The following ZNF507 variants were observed in gnomAD, a reference collection of about 807,000 sequenced individuals.
ZNF507 encodes zinc finger protein 507.
Under a neutral mutation model 80.0 loss-of-function variants are expected in ZNF507, and 29 were observed. The observed-to-expected ratio is 0.36, with a 90% CI of 0.27 to 0.49. The LOEUF (loss-of-function observed/expected upper bound fraction) is 0.49. ZNF507 is among the 20% of genes least tolerant of loss of function. The pLI is 0.98. For synonymous variants in ZNF507, 462 were observed against 422.5 expected, an observed-to-expected ratio of 1.09 and a Z score of -1.15; for missense variants, 1,081 against 1,152.2, an observed-to-expected ratio of 0.94 and a Z score of 0.90.
intron 5 of ZNF507, among the ~76,000 whole-genome samples, chr19:32,374,239 A>AT (rs973925320): frequency 3.3e-5 from 5 of 151,150 alleles, no homozygotes; most frequent in African/African-American, 1.2e-4. Flanking sequence ...TGTGTATTTT[A>AT]TTTTATTCCA....
At chr19:32,376,729 A>G (rs1288555550) in intron 5 of ZNF507, among the ~76,000 whole-genome samples, 2 of 152,222 alleles carry the variant, frequency 1.3e-5, no homozygotes, top group Non-Finnish European at 2.9e-5. Context: ...CGGGACCACT[A>G]CTACCAAGAC....
chr19:32,351,535 G>GGGGGGGGTGGC (rs901951859), intron 2 of ZNF507, among the ~76,000 whole-genome samples: 1 of 75,610 alleles, frequency 1.3e-5, no homozygotes, highest in African/African-American at 5.5e-5. Context: ...CGTGGGGGCG[G>GGGGGGGGTGGC]GCGGGGCCTG....
chr19:32,354,977 G>A lies in ZNF507; in HGVS notation c.2127+20G>A. The A allele has an allele frequency of 2.6e-6, 4 of 1,564,826 alleles. No individual in the cohort carries two copies. The highest frequency in any genetic ancestry group is 3.5e-6 in the Non-Finnish European group (4 of 1,155,380). On this transcript the variant is annotated intron_variant, in intron 3 of 6. Transcript: ENST00000355898. ...TATAAGGTAAGCATTGGTTCAGGAA[G>A]TCTTTCAGAGGACCTTCGCATCTTA...
chr19:32,374,999 T>C (rs1458180136), intron 5 of ZNF507, among the ~76,000 whole-genome samples: 1 of 152,162 alleles, frequency 6.6e-6, no homozygotes. Context: ...GTAGAGAAGT[T>C]TTATTAGGAA....
Position 32,356,738 on chromosome 19 carries a change from C to T in ZNF507, c.2245+5C>T. 1 of 1,609,244 alleles carries T rather than the reference C, an allele frequency of 6.2e-7. No homozygotes were observed. Among genetic ancestry groups the T allele is most frequent in the African/African-American group, 1.3e-5 (1 of 74,906 alleles). On this transcript the variant is annotated splice_donor_5th_base_variant and intron_variant, in intron 4 of 6. Transcript: ENST00000355898. ...ATGGAAAATGTGTCCAGGAAGGTATCTATGTATTTTGTTATGCAGGCTGCA... is the reference window on the plus strand; with the variant it reads ...ATGGAAAATGTGTCCAGGAAGGTATTTATGTATTTTGTTATGCAGGCTGCA...
intron 5 of ZNF507, among the ~76,000 whole-genome samples, chr19:32,378,906 A>C (rs572556133): frequency 6.6e-6 from 1 of 152,336 alleles, no homozygotes; most frequent in South Asian, 2.1e-4. Flanking sequence ...CTGAACAGCC[A>C]GCATTTCGTG....
chr19:32,371,625 T>TTTA (rs1166377704), intron 5 of ZNF507, among the ~76,000 whole-genome samples: 2 of 141,536 alleles, frequency 1.4e-5, no homozygotes, highest in Non-Finnish European at 3.0e-5. Context: ...GTGTTAATTG[T>TTTA]TTATTATTAT....
At chr19:32,367,031 T>G (rs1383681107) in intron 5 of ZNF507, among the ~76,000 whole-genome samples, 2 of 152,230 alleles carry the variant, frequency 1.3e-5, no homozygotes, top group African/African-American at 4.8e-5. Context: ...TACCTGAGGC[T>G]GGGTAATTTA....
intron 5 of ZNF507, chr19:32,380,602 G>GGT (rs1309586175): frequency 6.5e-7 from 1 of 1,535,166 alleles, no homozygotes; most frequent in Non-Finnish European, 8.7e-7. Flanking sequence ...GTCTCTTATT[G>GGT]GTGTAGGAAA....
chr19:32,372,189 A>T (rs1967483246), intron 5 of ZNF507, among the ~76,000 whole-genome samples: 1 of 152,192 alleles, frequency 6.6e-6, no homozygotes, highest in Admixed American at 6.5e-5. Context: ...CAAAAGTAGG[A>T]TTAAAAATCT....
intron 3 of ZNF507, among the ~76,000 whole-genome samples, chr19:32,355,182 CCT>C (rs1374159584): frequency 6.6e-6 from 1 of 152,146 alleles, no homozygotes; most frequent in African/African-American, 2.4e-5. Flanking sequence ...TCCTTGACAG[CCT>C]CTGTGTTTTA....
chr19:32,381,629 C>A (rs1029226565), intron 5 of ZNF507, among the ~76,000 whole-genome samples: 3 of 151,974 alleles, frequency 2.0e-5, no homozygotes, highest in African/African-American at 7.3e-5. Context: ...ACAACAACAA[C>A]AACAAAAAAC....
chr19:32,350,721 G>T (rs966930405), intron 2 of ZNF507, among the ~76,000 whole-genome samples: 1 of 152,188 alleles, frequency 6.6e-6, no homozygotes, highest in East Asian at 1.9e-4. Flanking sequence ...GCCTACATGG[G>T]TGTTACATTT....
At position 32,351,532 on chromosome 19, in the gene ZNF507, G is replaced by GC. The variant is rs1190291305; in HGVS notation, c.-2-1296dup. Among the ~76,000 whole-genome samples the GC allele has an allele frequency of 2.3e-5, 2 of 85,964 alleles. 1 individual carries two copies. The highest frequency in any genetic ancestry group is 4.7e-5 in the Non-Finnish European group (2 of 42,540). 56.4% of individuals were successfully genotyped at this position (85,964 alleles called of 152,430 possible). On this transcript the variant is annotated intron_variant, in intron 2 of 6. Coordinates refer to ENST00000355898, the MANE Select transcript of ZNF507 (RefSeq NM_001136156.2). ...ATATGTGTGTGTGTGTGGCGTGGGGGCGGGCGGGGCCTGGCAGGACATTAG... is the reference window on the plus strand; with the variant it reads ...ATATGTGTGTGTGTGTGGCGTGGGGGCCGGGCGGGGCCTGGCAGGACATTAG...
At chr19:32,357,495 C>T (rs1046460369) in intron 4 of ZNF507, 1 of 152,128 alleles carries the variant, frequency 6.6e-6, no homozygotes, top group Non-Finnish European at 1.5e-5. Context: ...AAGTTAGAAA[C>T]GACTACAGAG....
chr19:32,355,082 T>TCA (rs1568303988), intron 3 of ZNF507, 125 bp downstream of exon 3: 2 of 978,582 alleles, frequency 2.0e-6, no homozygotes, highest in East Asian at 5.3e-5. Context: ...AAAAGTTTGA[T>TCA]AAGTTGCCCA....
intron 5 of ZNF507, among the ~76,000 whole-genome samples, chr19:32,371,640 A>AT (rs916505857): frequency 2.8e-3 from 153 of 54,158 alleles, no homozygotes; most frequent in Middle Eastern, 0.019. Flanking sequence ...TATTATTATT[A>AT]TTATTTTTTT....
chr19:32,369,037 CTGACTTAGTAACAGTTGGAGAG>C (rs1269527976), intron 5 of ZNF507, among the ~76,000 whole-genome samples: 1 of 152,174 alleles, frequency 6.6e-6, no homozygotes, highest in Non-Finnish European at 1.5e-5. Flanking sequence ...ACCGAAGTAA[CTGACTTAGTAACAGTTGGAGAG>C]TCTGTAGAAA....
chr19:32,346,904 T>G (rs1481492851), intron 1 of ZNF507, among the ~76,000 whole-genome samples: 1 of 152,206 alleles, frequency 6.6e-6, no homozygotes, highest in Non-Finnish European at 1.5e-5. Flanking sequence ...TAGATTAAAA[T>G]AGCAATGTGC....
Sources: gnomAD v4.1 joint callset for allele counts (sites outside exome capture counted in the v4.1 genomes callset) on GRCh38, gnomAD v4.1.1 for gene constraint, MANE v1.5 for transcripts, NCBI Gene and HGNC (gene_info 2026-07-23, HGNC 2026-07-21) for gene names.